Variants in RABGAP1L observed in about 807,000 individuals in gnomAD.
The protein encoded by RABGAP1L is RAB GTPase activating protein 1 like.
Under a neutral mutation model 137.7 loss-of-function variants are expected in RABGAP1L, and 63 were observed. That is an observed-to-expected ratio of 0.46 (90% CI 0.37 to 0.56). RABGAP1L has a LOEUF of 0.56. RABGAP1L is among the 20% of genes least tolerant of loss of function. RABGAP1L has a pLI of 0.00. For missense variants in RABGAP1L, 1,095 were observed against 1,244.0 expected (o/e 0.88, Z 1.80); for synonymous variants, 431 against 433.7 (o/e 0.99, Z 0.08).
intron 19 of RABGAP1L, among the ~76,000 whole-genome samples, chr1:174,930,646 A>G (rs1184347269): frequency 6.6e-6 from 1 of 152,194 alleles, no homozygotes; most frequent in Non-Finnish European, 1.5e-5. Flanking sequence ...TGTCAAACAT[A>G]CACAAAAGTA....
intron 1 of RABGAP1L, among the ~76,000 whole-genome samples, chr1:174,183,600 C>T (rs772453430): frequency 3.3e-5 from 5 of 152,156 alleles, no homozygotes; most frequent in Non-Finnish European, 7.3e-5. Flanking sequence ...GCTGATGAAC[C>T]TACTTGACAC....
chr1:174,478,629 T>G (rs903882896), intron 13 of RABGAP1L, among the ~76,000 whole-genome samples: 1 of 152,102 alleles, frequency 6.6e-6, no homozygotes, highest in African/African-American at 2.4e-5. Flanking sequence ...CGAAACTATA[T>G]CCCAACCTCA....
At position 174,969,374 on chromosome 1, in the gene RABGAP1L, A is replaced by G. The variant is rs1019042815; in HGVS notation, c.2531A>G (p.Asn844Ser). The change falls in exon 21 of 26, where the codon AAT becomes AGT. Residue 844 changes from asparagine (N) to serine (S), a missense_variant. By Grantham distance (46) the Asn-to-Ser change is conservative. This residue lies in a region of RABGAP1L where 312 missense variants were observed against 435.6 expected (regional missense o/e 0.72). Transcript: ENST00000681986. ...GTAACAAGCAAAATTGCTCTACGGA[A>G]TGACTTGGATCAGGTAATCCTTAGA... is the stretch of plus-strand genomic sequence containing the variant. Reference protein sequence around the residue: ...ELVTSKIALRNDLDQAEDKAD... With the variant: ...ELVTSKIALRSDLDQAEDKAD... 6.5e-7 allele frequency: 1 copy of G among 1,549,498 alleles called. No homozygotes were observed.
chr1:174,177,346 A>G (rs1665970729), intron 1 of RABGAP1L, among the ~76,000 whole-genome samples: 1 of 151,920 alleles, frequency 6.6e-6, no homozygotes, highest in Non-Finnish European at 1.5e-5. Flanking sequence ...TTTCTTGTAA[A>G]TTTGTTTAAG....
intron 20 of RABGAP1L, chr1:174,965,037 T>C: frequency 7.6e-7 from 1 of 1,307,872 alleles, no homozygotes; most frequent in Non-Finnish European, 1.0e-6. Context: ...GTCTGTCTCT[T>C]TGAAAAATGC....
intron 11 of RABGAP1L, among the ~76,000 whole-genome samples, chr1:174,319,383 G>A (rs1172873336): frequency 6.6e-6 from 1 of 152,072 alleles, no homozygotes; most frequent in African/African-American, 2.4e-5. Flanking sequence ...TATTGACTTT[G>A]TATACAGGTA....
At chr1:174,221,456 A>G (rs960407465) in intron 3 of RABGAP1L, among the ~76,000 whole-genome samples, 1 of 152,210 alleles carries the variant, frequency 6.6e-6, no homozygotes, top group African/African-American at 2.4e-5. Context: ...TGGGTGTCAC[A>G]GAATAGTGTA....
chr1:174,887,642 T>C (rs1655394061), intron 19 of RABGAP1L, among the ~76,000 whole-genome samples: 2 of 152,138 alleles, frequency 1.3e-5, no homozygotes, highest in Admixed American at 6.6e-5. Flanking sequence ...CCTTTGGCAG[T>C]GTAGTTAAGT....
chr1:174,715,867 C>G (rs777150772), intron 17 of RABGAP1L, among the ~76,000 whole-genome samples: 9 of 152,168 alleles, frequency 5.9e-5, no homozygotes, highest in Non-Finnish European at 1.0e-4. Flanking sequence ...ATTCCTTCAC[C>G]TGATGCTCCT....
rs762379694 is a variant in RABGAP1L at position 174,976,152 on chromosome 1, G to A, written c.2619G>A (p.Glu873=). Residue 873 remains glutamate (E), a synonymous_variant, in exon 22 of 26, where the codon GAG becomes GAA. Coordinates refer to ENST00000681986, the MANE Select transcript of RABGAP1L (RefSeq NM_001366446.1). ...TKQRLVETEE[E]KRKQEEETAQ... ...AGAGGCTGGTGGAGACTGAAGAGGA[G>A]AAGAGGAAGCAAGAGGAAGAGACTG... The A allele has an allele frequency of 3.9e-6, 6 of 1,550,788 alleles. No homozygotes were observed. The highest frequency in any genetic ancestry group is 2.7e-5 in the African/African-American group (2 of 73,034).
intron 1 of RABGAP1L, among the ~76,000 whole-genome samples, chr1:174,216,292 G>C (rs1357488942): frequency 6.6e-6 from 1 of 152,096 alleles, no homozygotes. Flanking sequence ...AAATAACTAA[G>C]AGAATAATTG....
chr1:174,231,107 G>A (rs374752668), intron 3 of RABGAP1L, 38 bp from the exon 4 acceptor site: 1 of 1,464,938 alleles, frequency 6.8e-7, no homozygotes, highest in Non-Finnish European at 9.4e-7. Context: ...GTGGAGTTTT[G>A]CAATGACTTT....
At chr1:174,752,089 T>A (rs557433111) in intron 17 of RABGAP1L, among the ~76,000 whole-genome samples, 1 of 152,300 alleles carries the variant, frequency 6.6e-6, no homozygotes, top group African/African-American at 2.4e-5. Flanking sequence ...AATAACTTAT[T>A]GTAAAAACAA....
At chr1:174,488,551 CTTGGATT>C (rs761168071) in intron 13 of RABGAP1L, among the ~76,000 whole-genome samples, 1 of 152,000 alleles carries the variant, frequency 6.6e-6, no homozygotes, top group Non-Finnish European at 1.5e-5. Context: ...GCTTCTTGTA[CTTGGATT>C]TTGATAGCAT....
intron 13 of RABGAP1L, among the ~76,000 whole-genome samples, chr1:174,468,370 G>A (rs1408080082): frequency 2.6e-5 from 4 of 152,084 alleles, no homozygotes; most frequent in African/African-American, 7.2e-5. Context: ...CTTGCAAGAC[G>A]TGTATACACA....
intron 5 of RABGAP1L, among the ~76,000 whole-genome samples, chr1:174,249,881 A>C (rs1672580528): frequency 6.6e-6 from 1 of 152,058 alleles, no homozygotes; most frequent in Non-Finnish European, 1.5e-5. Flanking sequence ...TGACCTTGTG[A>C]TCTGCCTGCC....
At chr1:174,171,799 G>A (rs1245930398) in intron 1 of RABGAP1L, among the ~76,000 whole-genome samples, 2 of 151,688 alleles carry the variant, frequency 1.3e-5, no homozygotes, top group African/African-American at 4.8e-5. Flanking sequence ...TCAGGAGTTC[G>A]AGACCAGCCT....
intron 1 of RABGAP1L, among the ~76,000 whole-genome samples, chr1:174,174,656 C>G (rs1665689990): frequency 6.6e-6 from 1 of 152,164 alleles, no homozygotes; most frequent in South Asian, 2.1e-4. Context: ...GGCTGAAAAA[C>G]TAGGGGGCTG....
chr1:174,780,562 T>A (rs533343781), intron 18 of RABGAP1L, among the ~76,000 whole-genome samples: 7 of 152,160 alleles, frequency 4.6e-5, no homozygotes, highest in African/African-American at 1.7e-4. Flanking sequence ...TACATGCTTT[T>A]GATATATATA....
Sources: gnomAD v4.1 joint callset for allele counts (sites outside exome capture counted in the v4.1 genomes callset) on GRCh38, gnomAD v4.1.1 for gene constraint, gnomAD v4.1.1 regional missense constraint, MANE v1.5 for transcripts, NCBI Gene and HGNC (gene_info 2026-07-23, HGNC 2026-07-21) for gene names.